The following RNF145 variants were observed in gnomAD, a reference collection of about 807,000 sequenced individuals.
RNF145 encodes the protein ring finger protein 145.
RNF145 carries 12 observed loss-of-function variants against 57.3 expected under a neutral mutation model. The ratio of observed to expected loss-of-function variants is 0.21; its 90% confidence interval spans 0.13 to 0.34. The LOEUF is 0.34. RNF145 is among the 10% of genes least tolerant of loss of function. The pLI is 1.00. For missense variants in RNF145, 429 were observed against 799.0 expected (o/e 0.54, Z 5.58); for synonymous variants, 262 against 288.3 (o/e 0.91, Z 0.92).
intron 4 of RNF145, among the ~76,000 whole-genome samples, chr5:159,178,083 ATTT>A (rs375495852): frequency 6.6e-6 from 1 of 151,636 alleles, no homozygotes; most frequent in Non-Finnish European, 1.5e-5. Context: ...TAGTCAAACC[ATTT>A]TTTTTCTTAA....
At position 159,168,980 on chromosome 5, in the gene RNF145, C is replaced by A; in HGVS notation, c.1014G>T (p.Arg338=). Residue 338 remains arginine, a synonymous_variant, in exon 8 of 11, where the codon CGG becomes CGT. Transcript: ENST00000424310. ...TGLIELQVVH[R]AFLLSIILFI... is the part of the protein sequence containing the mutation. ...AAAGGATAATACTGAGCAAGAATGC[C>A]CGATGAACAACCTGCAGTTCTATCA... The A allele has an allele frequency of 6.2e-7, 1 of 1,609,390 alleles. No homozygotes were observed. Among genetic ancestry groups the A allele is most frequent in the Non-Finnish European group, 8.5e-7 (1 of 1,178,704 alleles).
chr5:159,183,553 A>G (rs770249882), intron 3 of RNF145, among the ~76,000 whole-genome samples: 2 of 152,232 alleles, frequency 1.3e-5, no homozygotes, highest in Non-Finnish European at 2.9e-5. Context: ...ATGGAATTAT[A>G]TAGTTAGAAA....
At chr5:159,169,894 A>G in intron 6 of RNF145, 75 bp from the exon 7 acceptor site, 1 of 1,190,632 alleles carries the variant, frequency 8.4e-7, no homozygotes, top group Non-Finnish European at 1.2e-6. Context: ...CCTTTAAATA[A>G]TCACCAAGCT....
intron 1 of RNF145, chr5:159,207,899 G>T: frequency 6.2e-7 from 1 of 1,612,816 alleles, no homozygotes; most frequent in Middle Eastern, 1.6e-4. Flanking sequence ...TCTGCCATCG[G>T]CCGCTCAGCC....
chr5:159,182,085 A>G, intron 3 of RNF145, 34 bp from the exon 4 acceptor site: 1 of 1,263,662 alleles, frequency 7.9e-7, no homozygotes, highest in South Asian at 1.2e-5. Flanking sequence ...TGTATATATT[A>G]GATACATTCC....
chr5:159,201,984 G>A (rs756393325), intron 2 of RNF145, among the ~76,000 whole-genome samples: 21 of 152,102 alleles, frequency 1.4e-4, no homozygotes, highest in Non-Finnish European at 2.8e-4. Context: ...TTTTGACAAA[G>A]GTAACTCCAA....
intron 4 of RNF145, among the ~76,000 whole-genome samples, chr5:159,181,014 A>G (rs1332522841): frequency 1.3e-5 from 2 of 151,992 alleles, no homozygotes; most frequent in Non-Finnish European, 2.9e-5. Flanking sequence ...ATGCACCAAA[A>G]TATCAGAAAT....
At chr5:159,175,774 C>T (rs1784702400) in intron 5 of RNF145, among the ~76,000 whole-genome samples, 1 of 152,128 alleles carries the variant, frequency 6.6e-6, no homozygotes, top group African/African-American at 2.4e-5. Context: ...CCTGGGGCCA[C>T]AAGAGAATAC....
chr5:159,189,667 T>G (rs555191268), intron 3 of RNF145, among the ~76,000 whole-genome samples: 3 of 152,244 alleles, frequency 2.0e-5, no homozygotes, highest in Admixed American at 2.0e-4. Flanking sequence ...TTATTCATAA[T>G]AGCTAAAACA....
At chr5:159,161,238 C>T (rs77512826) in intron 10 of RNF145, 28 bp downstream of exon 10, 1 of 1,458,424 alleles carries the variant, frequency 6.9e-7, no homozygotes. Flanking sequence ...TATGACTTAC[C>T]CAAACACATT....
At chr5:159,198,271 A>C (rs1288586130) in intron 2 of RNF145, among the ~76,000 whole-genome samples, 2 of 151,730 alleles carry the variant, frequency 1.3e-5, no homozygotes, top group African/African-American at 4.8e-5. Context: ...AAATAAATAA[A>C]TAAATAAAAG....
rs1784464690 is a variant in RNF145, at chr5:159,168,908, A to T, written c.1086T>A (p.Asp362Glu). ...SILQSMLEIA[D>E]PIVLALGASR... Reference sequence around the variant, plus strand: ...ATGCTCCCAGTGCCAAAACAATAGGATCTGCAATTTCTAACATAGACTGTA... The same window carrying T: ...ATGCTCCCAGTGCCAAAACAATAGGTTCTGCAATTTCTAACATAGACTGTA... Residue 362 changes from aspartate (D) to glutamate (E), a missense_variant, in exon 8 of 11, where the codon GAT (aspartate) becomes GAA (glutamate). Physicochemically the swap from Asp to Glu is conservative, Grantham distance 45 (BLOSUM62 2). Around this residue, in one of 4 missense-constraint regions of RNF145, gnomAD observed 216 missense variants for 457.6 expected, o/e 0.47. Coordinates refer to ENST00000424310, the MANE Select transcript of RNF145 (RefSeq NM_001199383.2). 1 of 1,584,104 alleles carries T rather than the reference A, an allele frequency of 6.3e-7. No homozygotes were observed.
At chr5:159,178,096 A>C (rs1020346666) in intron 4 of RNF145, among the ~76,000 whole-genome samples, 1 of 151,848 alleles carries the variant, frequency 6.6e-6, no homozygotes, top group Non-Finnish European at 1.5e-5. Context: ...TTTTTTCTTA[A>C]TAGTACCCAC....
chr5:159,195,751 T>A (rs954760056), intron 2 of RNF145, among the ~76,000 whole-genome samples: 1 of 152,232 alleles, frequency 6.6e-6, no homozygotes, highest in African/African-American at 2.4e-5. Flanking sequence ...TTTTGTAACT[T>A]CAAGTATCAG....
At chr5:159,181,555 A>G (rs1784893575) in intron 4 of RNF145, among the ~76,000 whole-genome samples, 1 of 152,160 alleles carries the variant, frequency 6.6e-6, no homozygotes, top group African/African-American at 2.4e-5. Context: ...TGAATATTTC[A>G]ATCACATCTC....
chr5:159,181,828 T>G, intron 4 of RNF145, 132 bp downstream of exon 4: 1 of 577,384 alleles, frequency 1.7e-6, no homozygotes, highest in East Asian at 2.8e-5. Context: ...AAACAATGGG[T>G]ATATGTGGGA....
chr5:159,182,971 T>G lies in RNF145; in HGVS notation c.294-920A>C, dbSNP rs1427695943. ...TATTTACTTTTTCCATGAAATGACT[T>G]CCCATTAGGCAATCAAGTGGAATTC... On this transcript the variant is annotated intron_variant, in intron 3 of 10. Transcript: ENST00000424310. 2.0e-5 allele frequency among the ~76,000 whole-genome samples: 3 copies of G among 152,150 alleles called. No individual in the cohort carries two copies. The South Asian group carries it at 6.2e-4, about 32-fold the overall frequency.
chr5:159,167,535 CTAAAT>C (rs1450415516), intron 8 of RNF145, among the ~76,000 whole-genome samples: 4 of 152,074 alleles, frequency 2.6e-5, no homozygotes, highest in Non-Finnish European at 5.9e-5. Flanking sequence ...TCAATATATA[CTAAAT>C]TAATTAGTGT....
In RNF145 at chr5:159,209,494, G is replaced by A; in HGVS notation, c.-303C>T. On this transcript the variant is annotated 5_prime_UTR_variant, in exon 1 of 11. Coordinates refer to ENST00000424310, the MANE Select transcript of RNF145 (RefSeq NM_001199383.2). ...TCGCGGGCCGAGCCCCTTAGCAGCCGGCGCCGGCGTCGGCGGCCATGGCCT... is the reference window on the plus strand; with the variant it reads ...TCGCGGGCCGAGCCCCTTAGCAGCCAGCGCCGGCGTCGGCGGCCATGGCCT... 2 of 932,636 alleles carry A rather than the reference G, an allele frequency of 2.1e-6. No individual in the cohort carries two copies. Among genetic ancestry groups the A allele is most frequent in the Non-Finnish European group, 2.5e-6 (2 of 810,214 alleles). The allele number at this position is 932,636 out of a possible 1,614,324, so 57.8% of individuals were successfully genotyped here. A position where few individuals can be genotyped will look rare whatever the true frequency, so the allele number is the denominator to read the frequency against.
Sources: gnomAD v4.1 joint callset for allele counts (sites outside exome capture counted in the v4.1 genomes callset) on GRCh38, gnomAD v4.1.1 for gene constraint, gnomAD v4.1.1 regional missense constraint, MANE v1.5 for transcripts, NCBI Gene and HGNC (gene_info 2026-07-23, HGNC 2026-07-21) for gene names.